Variants in APOB observed in about 807,000 individuals in gnomAD.
The protein encoded by APOB is apolipoprotein B-100.
A neutral mutation model predicts 314.1 loss-of-function variants in APOB; 153 were observed. The ratio of observed to expected loss-of-function variants is 0.49; its 90% CI spans 0.43 to 0.56. APOB has a LOEUF of 0.56. APOB is among the 20% of genes least tolerant of loss of function. APOB has a pLI of 0.00. For missense variants in APOB, 5,430 were observed against 5,350.7 expected (o/e 1.01, Z -0.46); for synonymous variants, 2,087 against 2,036.4 (o/e 1.02, Z -0.67).
rs569321939 is a variant in APOB at position 21,034,386 on chromosome 2, C to T, written c.904+430G>A. ...GAAGGAATTTGGACAGATATAAATA[C>T]AATACAATACTGGGTAAGGGTTGGA... On this transcript the variant is annotated intron_variant, in intron 8 of 28. Coordinates refer to ENST00000233242, the MANE Select transcript of APOB (RefSeq NM_000384.3). 6.8e-4 allele frequency among the ~76,000 whole-genome samples: 104 copies of T among 152,258 alleles called. No individual in the cohort carries two copies. In the South Asian group the frequency reaches 9.8e-3, roughly 14 times the overall value.
rs966817615 is a variant in APOB at position 21,013,449 on chromosome 2, A to T, written c.3927T>A (p.Asp1309Glu). ...PLPFGGKSSR[D>E]LKMLETVRTP... Reference sequence around the variant, plus strand: ...TCCTAACAGTCTCTAACATCTTTAGATCTCTGGAGGATTTGCCACCAAAAG... The same window carrying T: ...TCCTAACAGTCTCTAACATCTTTAGTTCTCTGGAGGATTTGCCACCAAAAG... Residue 1309 changes from aspartate (D) to glutamate (E), a missense_variant, in exon 25 of 29, where the codon GAT becomes GAA. By Grantham distance (45) the Asp-to-Glu change is conservative. Transcript: ENST00000233242. The T allele has an allele frequency of 6.8e-6, 11 of 1,614,050 alleles. No homozygotes were observed. The highest frequency in any genetic ancestry group is 1.6e-4 in the Middle Eastern group (1 of 6,084).
rs1558559027 is a variant in APOB, at chr2:21,002,732, C to A, written c.12690G>T (p.Gln4230His). ...AACCATTATGGACTTTCGAATATACCTGGGACAGTACCGTCCCTACCTCCC... is the reference window on the plus strand; with the variant it reads ...AACCATTATGGACTTTCGAATATACATGGGACAGTACCGTCCCTACCTCCC... Reference protein sequence around the residue: ...FIREVGTVLSQVYSKVHNGSE... With the variant: ...FIREVGTVLSHVYSKVHNGSE... The change falls in exon 29 of 29, where the codon CAG becomes CAT. Residue 4230 changes from glutamine (Q) to histidine (H), a missense_variant. This residue lies in a region of APOB where 3,281 missense variants were observed against 3,171.0 expected (regional missense o/e 1.03). Transcript: ENST00000233242. 2 of 1,612,930 alleles carry A rather than the reference C, an allele frequency of 1.2e-6. No homozygotes were observed. Among genetic ancestry groups the A allele is most frequent in the South Asian group, 2.2e-5 (2 of 90,872 alleles).
At chr2:21,026,392 C>T (rs961729591) in intron 15 of APOB, among the ~76,000 whole-genome samples, 1 of 152,048 alleles carries the variant, frequency 6.6e-6, no homozygotes, top group Non-Finnish European at 1.5e-5. Flanking sequence ...GGATTACAGG[C>T]ACCCACTACC....
intron 10 of APOB, among the ~76,000 whole-genome samples, chr2:21,031,405 C>A (rs888481610): frequency 6.6e-6 from 1 of 152,066 alleles, no homozygotes. Flanking sequence ...ATAATGTGCA[C>A]ACAAGGACAT....
At chr2:21,017,840 A>G (rs12720780) in intron 20 of APOB, among the ~76,000 whole-genome samples, 3 of 152,272 alleles carry the variant, frequency 2.0e-5, no homozygotes, top group African/African-American at 4.8e-5. Flanking sequence ...AGTGCTTTCT[A>G]TCATGGGATT....
chr2:21,020,820 G>A (rs958019614), intron 18 of APOB, among the ~76,000 whole-genome samples: 2 of 152,152 alleles, frequency 1.3e-5, no homozygotes, highest in South Asian at 4.2e-4. Context: ...CCTACCCATG[G>A]GGTGATCTCC....
intron 15 of APOB, among the ~76,000 whole-genome samples, chr2:21,026,290 C>T (rs527435719): frequency 2.0e-5 from 3 of 152,048 alleles, no homozygotes; most frequent in Non-Finnish European, 2.9e-5. Flanking sequence ...CACTGTCACC[C>T]GGGCTGGAGT....
chr2:21,035,656 AGTGTG>A lies in APOB; in HGVS notation c.741_745del (p.Thr248GlyfsTer3). On this transcript the variant is annotated frameshift_variant, in exon 7 of 29. Coordinates refer to ENST00000233242, the MANE Select transcript of APOB (RefSeq NM_000384.3). LOFTEE classifies it high-confidence loss of function. ...TGCCACATGCTTCCTCTTAGCGTCC[AGTGTG>A]TACTGACAGGACTGGCTGCTGCTGA... The A allele has an allele frequency of 6.2e-7, 1 of 1,614,104 alleles. No homozygotes were observed. Among genetic ancestry groups the A allele is most frequent in the Non-Finnish European group, 8.5e-7 (1 of 1,180,018 alleles).
chr2:21,013,119 A>G (rs1172712704), intron 25 of APOB, 41 bp downstream of exon 25: 5 of 1,612,244 alleles, frequency 3.1e-6, no homozygotes, highest in South Asian at 1.1e-5. Context: ...AGAGCCTGCC[A>G]TGAACTAGCC....
chr2:21,023,380 T>G, intron 17 of APOB, 145 bp downstream of exon 17: 1 of 995,522 alleles, frequency 1.0e-6, no homozygotes, highest in South Asian at 1.4e-5. Context: ...AAGCTTGAAG[T>G]TTTTCATAAA....
intron 28 of APOB, 131 bp downstream of exon 28, chr2:21,004,138 A>G: frequency 3.4e-6 from 3 of 886,924 alleles, no homozygotes; most frequent in Admixed American, 2.0e-5. Flanking sequence ...ATTTCCTCAG[A>G]GAAGAAGTTG....
At chr2:21,028,618 G>A in intron 12 of APOB, 80 bp from the exon 13 acceptor site, 1 of 963,008 alleles carries the variant, frequency 1.0e-6, no homozygotes, top group East Asian at 2.4e-5. Context: ...GGCATTGTCT[G>A]CTAGCTCTTT....
In APOB at chr2:21,043,844, C is replaced by A; in HGVS notation, c.82+20G>T. 1 of 1,529,992 alleles carries A rather than the reference C, an allele frequency of 6.5e-7. No homozygotes were observed. 94.8% of individuals were successfully genotyped at this position (1,529,992 alleles called of 1,614,324 possible). A position where few individuals can be genotyped will look rare whatever the true frequency, so the allele number is the denominator to read the frequency against. ...CTCCCTCCCGCTCCCTCTGCGCCCG[C>A]AGAGCGGCCGCGCACTCACCGGCCC... On this transcript the variant is annotated intron_variant, in intron 1 of 28. Coordinates refer to ENST00000233242, the MANE Select transcript of APOB (RefSeq NM_000384.3).
chr2:21,038,611 C>T (rs986751557), intron 4 of APOB, among the ~76,000 whole-genome samples: 1 of 152,238 alleles, frequency 6.6e-6, no homozygotes, highest in Non-Finnish European at 1.5e-5. Context: ...GCTGGGACTA[C>T]AGGCATGAGC....
rs974524838 is a variant in APOB, at chr2:21,010,986, C to T, written c.5882G>A (p.Ser1961Asn). 6.3e-5 allele frequency: 101 copies of T among 1,614,050 alleles called. No homozygotes were observed. The highest frequency in any genetic ancestry group is 8.1e-5 in the Non-Finnish European group (96 of 1,180,028). Residue 1961 changes from serine to asparagine, a missense_variant, in exon 26 of 29, where the codon AGT becomes AAT. Ser to Asn is a conservative substitution (Grantham distance 46). Around this residue, in one of 3 missense-constraint regions of APOB, gnomAD observed 3,281 missense variants for 3,171.0 expected, o/e 1.03. Transcript: ENST00000233242. ...ACTGACTTTGTGTTCAAGAGCTGCA[C>T]TGATGCTTTTCCTAGACACGAGATG... ...SHHLVSRKSI[S>N]AALEHKVSAL...
chr2:21,015,402 G>A lies in APOB; in HGVS notation c.3476C>T (p.Ser1159Phe). 1 of 1,614,206 alleles carries A rather than the reference G, an allele frequency of 6.2e-7. No individual in the cohort carries two copies. Among genetic ancestry groups the A allele is most frequent in the Non-Finnish European group, 8.5e-7 (1 of 1,180,048 alleles). Reference sequence around the variant, plus strand: ...CCATGCCACCCTCTTGGAAACTGTGGAGCCATAAGCTGTAGCAGATGAGTC... The same window carrying A: ...CCATGCCACCCTCTTGGAAACTGTGAAGCCATAAGCTGTAGCAGATGAGTC... ...QMDSSATAYG[S>F]TVSKRVAWHY... Residue 1159 changes from serine to phenylalanine, a missense_variant, in exon 22 of 29, where the codon TCC becomes TTC. Coordinates refer to ENST00000233242, the MANE Select transcript of APOB (RefSeq NM_000384.3).
intron 19 of APOB, 101 bp from the exon 20 acceptor site, chr2:21,019,214 T>A (rs1033382521): frequency 5.6e-6 from 8 of 1,440,248 alleles, no homozygotes; most frequent in Non-Finnish European, 6.8e-6. Flanking sequence ...AAAAATATGG[T>A]CCTTATTTTA....
At position 21,007,831 on chromosome 2, in the gene APOB, C is replaced by A; in HGVS notation, c.9037G>T (p.Gly3013Trp). The A allele has an allele frequency of 6.2e-7, 1 of 1,614,092 alleles. No individual in the cohort carries two copies. The highest frequency in any genetic ancestry group is 1.1e-5 in the South Asian group (1 of 91,086). ...TGCCTCCCAGTAAACTCTGCCTTCCCTTCTCCAAACAGTGCCATGCCTTTA... is the reference window on the plus strand; with the variant it reads ...TGCCTCCCAGTAAACTCTGCCTTCCATTCTCCAAACAGTGCCATGCCTTTA... ...TAKGMALFGE[G>W]KAEFTGRHDA... The change falls in exon 26 of 29, where the codon GGG becomes TGG. Residue 3013 changes from glycine to tryptophan, a missense_variant. Coordinates refer to ENST00000233242, the MANE Select transcript of APOB (RefSeq NM_000384.3).
In APOB at chr2:21,005,155, TG is replaced by T. The variant is rs587776852; in HGVS notation, c.11712del (p.Asn3904LysfsTer21). ...YNATWSASLK[N>X]KADYVETVLD... Reference sequence around the variant, plus strand: ...AGGACTGTTTCAACATAATCTGCTTTGTTTTTCAAACTGGCACTCCAAGTGG... The same window carrying T: ...AGGACTGTTTCAACATAATCTGCTTTTTTTTCAAACTGGCACTCCAAGTGG... On this transcript the variant is annotated frameshift_variant, in exon 26 of 29. Coordinates refer to ENST00000233242, the MANE Select transcript of APOB (RefSeq NM_000384.3). LOFTEE classifies it high-confidence loss of function. 3.7e-6 allele frequency: 6 copies of T among 1,613,968 alleles called. No individual in the cohort carries two copies. Among genetic ancestry groups the T allele is most frequent in the Non-Finnish European group, 5.1e-6 (6 of 1,179,948 alleles).
Sources: gnomAD v4.1 joint callset for allele counts (sites outside exome capture counted in the v4.1 genomes callset) on GRCh38, gnomAD v4.1.1 for gene constraint, gnomAD v4.1.1 regional missense constraint, MANE v1.5 for transcripts, NCBI Gene and HGNC (gene_info 2026-07-23, HGNC 2026-07-21) for gene names.